Variants in STXBP3 observed in about 807,000 individuals in gnomAD.
STXBP3 encodes the protein syntaxin-binding protein 3.
A neutral mutation model predicts 85.7 loss-of-function variants in STXBP3; 41 were observed. The ratio of observed to expected loss-of-function variants is 0.48; its 90% CI spans 0.37 to 0.62. STXBP3 has a LOEUF of 0.62. Ranked by LOEUF, STXBP3 falls within the 20% of genes least tolerant of loss-of-function variation. The pLI is 0.00. For missense variants in STXBP3, 563 were observed against 703.1 expected, an observed-to-expected ratio of 0.80 and a Z score of 2.25; for synonymous variants, 229 against 231.7, an observed-to-expected ratio of 0.99 and a Z score of 0.10.
chr1:108,780,548 T>TA (rs1662695011), intron 9 of STXBP3: 1 of 113,478 alleles, frequency 8.8e-6, no homozygotes, highest in Non-Finnish European at 2.0e-5. Flanking sequence ...TTTTTTTTTT[T>TA]AGTAGAGGCA....
Position 108,756,479 on chromosome 1 carries a change from A to G in STXBP3, c.182-211A>G, listed in dbSNP as rs551457366. On this transcript the variant is annotated intron_variant, in intron 3 of 18. Transcript: ENST00000370008. ...TTTCTTACATTATTCATGTAAGAAA[A>G]TGAAGAATTTTTATTTTTCATTTTT... Among the ~76,000 whole-genome samples the G allele has an allele frequency of 4.7e-4, 71 of 152,254 alleles. 1 individual carries two copies. The highest frequency in any genetic ancestry group is 2.4e-3 in the Admixed American group (37 of 15,290).
intron 11 of STXBP3, among the ~76,000 whole-genome samples, chr1:108,786,523 A>G (rs1029059697): frequency 6.6e-6 from 1 of 152,198 alleles, no homozygotes; most frequent in Non-Finnish European, 1.5e-5. Flanking sequence ...CTGATTACTC[A>G]AGCACTGTTT....
chr1:108,765,187 G>T (rs1662233534), intron 6 of STXBP3, among the ~76,000 whole-genome samples: 1 of 152,138 alleles, frequency 6.6e-6, no homozygotes, highest in Non-Finnish European at 1.5e-5. Context: ...ATGGTTGTAG[G>T]TATGCGGCCT....
At chr1:108,753,175 T>A in intron 3 of STXBP3, 31 bp downstream of exon 3, 1 of 1,450,450 alleles carries the variant, frequency 6.9e-7, no homozygotes, top group Non-Finnish European at 9.3e-7. Flanking sequence ...GAACACTTTT[T>A]AATTGTAATT....
rs756365042 is a variant in STXBP3 at position 108,796,214 on chromosome 1, A to G, written c.1111-20A>G. The stretch of plus-strand genomic sequence containing the variant: ...TGAATTTTGGTTATAGATCACTGAC[A>G]ATATTTTATTTTCATTAAGGACCTG... On this transcript the variant is annotated intron_variant, in intron 13 of 18. Coordinates refer to ENST00000370008, the MANE Select transcript of STXBP3 (RefSeq NM_007269.4). The G allele has an allele frequency of 6.3e-7, 1 of 1,599,724 alleles. No individual in the cohort carries two copies. The highest frequency in any genetic ancestry group is 8.5e-7 in the Non-Finnish European group (1 of 1,175,720).
At chr1:108,801,552 G>C (rs1663232602) in intron 17 of STXBP3, among the ~76,000 whole-genome samples, 1 of 152,064 alleles carries the variant, frequency 6.6e-6, no homozygotes, top group South Asian at 2.1e-4. Context: ...TATCTGTTCA[G>C]ACACTTCAAG....
chr1:108,794,280 G>T (rs953725541), intron 12 of STXBP3, among the ~76,000 whole-genome samples: 1 of 152,108 alleles, frequency 6.6e-6, no homozygotes, highest in African/African-American at 2.4e-5. Context: ...TGTTGTATTA[G>T]TCTGTTCTCA....
intron 6 of STXBP3, among the ~76,000 whole-genome samples, chr1:108,761,326 TTAGTA>T (rs59564591): frequency 0.26 from 38,853 of 151,918 alleles, 5,311 homozygotes; most frequent in African/African-American, 0.32. Context: ...ATATGTAAGT[TTAGTA>T]TAGGGTGAAA....
chr1:108,801,144 C>T (rs1320599311), intron 17 of STXBP3, among the ~76,000 whole-genome samples: 2 of 151,810 alleles, frequency 1.3e-5, no homozygotes, highest in African/African-American at 4.8e-5. Context: ...TTTTAAATTT[C>T]CATTTCTGAC....
chr1:108,756,851 A>G, intron 4 of STXBP3, 85 bp downstream of exon 4: 1 of 951,812 alleles, frequency 1.1e-6, no homozygotes, highest in South Asian at 2.4e-5. Context: ...AAAGTAATAA[A>G]GTACACTTTA....
Position 108,793,614 on chromosome 1 carries a change from A to C in STXBP3, c.996A>C (p.Lys332Asn), listed in dbSNP as rs372259979. The stretch of plus-strand genomic sequence containing the variant: ...TTAGTGCTCTTACCCAGCTGATGAA[A>C]AAGATGCCCCATTTCCGAAAACAGA... ...TSLSALTQLM[K>N]KMPHFRKQIT... Residue 332 changes from lysine to asparagine, a missense_variant, in exon 12 of 19, where the codon AAA becomes AAC. Lys to Asn is a moderately conservative substitution (Grantham distance 94, BLOSUM62 0). Around this residue, in one of 3 missense-constraint regions of STXBP3, gnomAD observed 494 missense variants for 592.8 expected, o/e 0.83. Transcript: ENST00000370008. 2.5e-6 allele frequency: 4 copies of C among 1,612,370 alleles called. No individual in the cohort carries two copies. The highest frequency in any genetic ancestry group is 3.4e-6 in the Non-Finnish European group (4 of 1,178,952).
chr1:108,784,769 T>C (rs1166985046), intron 11 of STXBP3, among the ~76,000 whole-genome samples: 1 of 152,192 alleles, frequency 6.6e-6, no homozygotes, highest in Admixed American at 6.5e-5. Context: ...AGTTACTTCC[T>C]AGATACAATG....
chr1:108,787,185 C>T (rs2101127090), intron 11 of STXBP3, among the ~76,000 whole-genome samples: 1 of 152,062 alleles, frequency 6.6e-6, no homozygotes, highest in East Asian at 1.9e-4. Context: ...CTCTGTTGGC[C>T]AGGCTAGTCT....
chr1:108,777,534 G>C (rs964968554), intron 8 of STXBP3, among the ~76,000 whole-genome samples: 1 of 152,140 alleles, frequency 6.6e-6, no homozygotes, highest in Non-Finnish European at 1.5e-5. Flanking sequence ...TTGTAGTTTT[G>C]AAGACAGAAT....
At position 108,782,451 on chromosome 1, in the gene STXBP3, C is replaced by T; in HGVS notation, c.839C>T (p.Ala280Val). 1.2e-6 allele frequency: 2 copies of T among 1,613,484 alleles called. No individual in the cohort carries two copies. The highest frequency in any genetic ancestry group is 1.7e-6 in the Non-Finnish European group (2 of 1,179,712). ...KYKTDGKEKE[A>V]ILEEEDDLWV... ...AAAACAGATGGAAAAGAAAAGGAGG[C>T]CATCCTTGAAGAAGAAGATGACCTC... Residue 280 changes from alanine to valine, a missense_variant, in exon 10 of 19, where the codon GCC (alanine) becomes GTC (valine). Physicochemically the swap from Ala to Val is moderately conservative, Grantham distance 64 (BLOSUM62 0). Transcript: ENST00000370008.
At chr1:108,791,725 C>G (rs1344536311) in intron 11 of STXBP3, among the ~76,000 whole-genome samples, 1 of 152,104 alleles carries the variant, frequency 6.6e-6, no homozygotes, top group African/African-American at 2.4e-5. Context: ...AATGCACACT[C>G]TCATATAACC....
chr1:108,771,931 TGTATC>T (rs1293710060), intron 6 of STXBP3, among the ~76,000 whole-genome samples: 16 of 36,696 alleles, frequency 4.4e-4, no homozygotes, highest in East Asian at 2.4e-3. Context: ...GATATCTATC[TGTATC>T]ATATATAAAT....
chr1:108,763,792 G>A (rs1056464437), intron 6 of STXBP3, among the ~76,000 whole-genome samples: 3 of 151,894 alleles, frequency 2.0e-5, no homozygotes, highest in Non-Finnish European at 4.4e-5. Context: ...ATGTTGTTCA[G>A]GGTGGTCTTG....
At chr1:108,807,826 C>T (rs1163271966) in intron 18 of STXBP3, among the ~76,000 whole-genome samples, 3 of 152,134 alleles carry the variant, frequency 2.0e-5, no homozygotes, top group Non-Finnish European at 4.4e-5. Context: ...ATCCGCCCGC[C>T]TCGGCCTCCC....
Sources: gnomAD v4.1 joint callset for allele counts (sites outside exome capture counted in the v4.1 genomes callset) on GRCh38, gnomAD v4.1.1 for gene constraint, gnomAD v4.1.1 regional missense constraint, MANE v1.5 for transcripts, NCBI Gene and HGNC (gene_info 2026-07-23, HGNC 2026-07-21) for gene names.